The following CHM variants were observed in gnomAD, a reference collection of about 807,000 sequenced individuals.
CHM encodes the protein CHM Rab escort protein.
In CHM, 10 loss-of-function variants were observed where a neutral mutation model predicts 49.0. That is an observed-to-expected ratio of 0.20 (90% CI 0.13 to 0.35). CHM has a LOEUF of 0.35. Among genes scored for constraint, CHM ranks in the 10% least tolerant of loss-of-function variants. The pLI is 1.00. For missense variants in CHM, 455 were observed against 478.4 expected (o/e 0.95, Z 0.46); for synonymous variants, 184 against 167.5 (o/e 1.10, Z -0.76).
chrX:85,937,539 T>C (rs1340105577), intron 8 of CHM, among the ~76,000 whole-genome samples: 1 of 109,501 alleles, frequency 9.1e-6, no homozygotes, highest in Non-Finnish European at 1.9e-5. Flanking sequence ...GGGGCTATTA[T>C]TAAAATGGAA....
chrX:85,978,732 T>G (rs753384934), intron 4 of CHM, 35 bp downstream of exon 4: 5 of 1,167,415 alleles, frequency 4.3e-6, no homozygotes, highest in Non-Finnish European at 5.8e-6. Context: ...AAAAAGTCAT[T>G]AATTTAGTTT....
chrX:86,036,573 A>G (rs889935707), intron 1 of CHM, among the ~76,000 whole-genome samples: 8 of 111,495 alleles, frequency 7.2e-5, no homozygotes, highest in Non-Finnish European at 5.6e-5. Flanking sequence ...AGGAAGCAAA[A>G]TAAAGGGGGG....
At chrX:85,913,079 C>T (rs1603248746) in intron 8 of CHM, among the ~76,000 whole-genome samples, 1 of 98,958 alleles carries the variant, frequency 1.0e-5, no homozygotes, top group East Asian at 3.2e-4. Context: ...AATCCTAGCA[C>T]TTTGGGAGGC....
chrX:86,031,014 G>A (rs138679013), intron 1 of CHM, among the ~76,000 whole-genome samples: 2,713 of 110,538 alleles, frequency 0.025, 46 homozygotes, highest in Non-Finnish European at 0.037. Context: ...TGGACATTTA[G>A]GTTGTTTTCA....
chrX:85,875,787 T>A (rs1206649271), intron 13 of CHM, among the ~76,000 whole-genome samples: 1 of 111,624 alleles, frequency 9.0e-6, no homozygotes, highest in African/African-American at 3.3e-5. Flanking sequence ...TCACTGACCA[T>A]ATGATTCTAT....
At chrX:85,897,699 G>T (rs1396468178) in intron 11 of CHM, among the ~76,000 whole-genome samples, 1 of 110,894 alleles carries the variant, frequency 9.0e-6, no homozygotes, top group East Asian at 2.9e-4. Flanking sequence ...GCTGTCTGAG[G>T]CCAGTGGAAG....
chrX:85,971,096 A>C (rs1375650635), intron 4 of CHM: 2 of 629,821 alleles, frequency 3.2e-6, no homozygotes, highest in African/African-American at 4.9e-5. Flanking sequence ...ATAATATATA[A>C]ATACACCCTA....
chrX:86,043,972 C>T (rs1934571202), intron 1 of CHM, among the ~76,000 whole-genome samples: 1 of 111,518 alleles, frequency 9.0e-6, no homozygotes, highest in Non-Finnish European at 1.9e-5. Flanking sequence ...ACTCTGCAGC[C>T]CATCTTAGGG....
In CHM at chrX:85,978,863, G is replaced by A. The variant is rs2147706622; in HGVS notation, c.218C>T (p.Pro73Leu). The change falls in exon 4 of 15, where the codon CCA (proline) becomes CTA (leucine). Residue 73 changes from proline (P) to leucine (L), a missense_variant. Transcript: ENST00000357749. ...TTCAAGGATCTGGTCTTGCCACACTGGACTGTCACTTACAATGTCACTGTT... is the reference window on the plus strand; with the variant it reads ...TTCAAGGATCTGGTCTTGCCACACTAGACTGTCACTTACAATGTCACTGTT... ...QENSDIVSDS[P>L]VWQDQILENE... 8.3e-7 allele frequency: 1 copy of A among 1,206,249 alleles called. No individual in the cohort carries two copies. The highest frequency in any genetic ancestry group is 1.1e-6 in the Non-Finnish European group (1 of 891,451).
rs1008928443 is a variant in CHM at position 86,032,570 on chromosome X, A to G, written c.50-5013T>C. ...TTAAAATCATTTTTTAAAAAGTCCA[A>G]TAACCTTTTCTTTATGTAAACTATA... On this transcript the variant is annotated intron_variant, in intron 1 of 14. Coordinates refer to ENST00000357749, the MANE Select transcript of CHM (RefSeq NM_000390.4). Among the ~76,000 whole-genome samples the G allele has an allele frequency of 7.1e-5, 8 of 112,124 alleles. No homozygotes were observed. In the East Asian group the frequency reaches 1.7e-3, roughly 24 times the overall value.
chrX:85,960,050 G>A (rs990368447), intron 5 of CHM, among the ~76,000 whole-genome samples: 5 of 111,220 alleles, frequency 4.5e-5, no homozygotes, highest in South Asian at 3.8e-4. Context: ...AATATGGCAC[G>A]TTACTTCATT....
chrX:85,887,190 C>T (rs1925137878), intron 12 of CHM, among the ~76,000 whole-genome samples: 1 of 110,508 alleles, frequency 9.0e-6, no homozygotes, highest in East Asian at 2.8e-4. Context: ...CAAATCTCAT[C>T]TTGAATTCTC....
At chrX:85,932,396 T>C (rs1928487976) in intron 8 of CHM, among the ~76,000 whole-genome samples, 1 of 112,286 alleles carries the variant, frequency 8.9e-6, no homozygotes, top group Non-Finnish European at 1.9e-5. Context: ...AAAGTTTACA[T>C]GTCCAAGGAA....
At chrX:86,020,717 C>T (rs898207600) in intron 2 of CHM, among the ~76,000 whole-genome samples, 1 of 104,107 alleles carries the variant, frequency 9.6e-6, no homozygotes. Flanking sequence ...TATATATCTC[C>T]GATATCCGAA....
chrX:86,032,208 G>T (rs780001689), intron 1 of CHM, among the ~76,000 whole-genome samples: 1 of 112,179 alleles, frequency 8.9e-6, no homozygotes, highest in African/African-American at 3.2e-5. Context: ...AGAAAAGCCC[G>T]ACATGAGTTA....
chrX:85,890,260 G>A, intron 12 of CHM, among the ~76,000 whole-genome samples: 1 of 111,994 alleles, frequency 8.9e-6, no homozygotes, highest in African/African-American at 3.2e-5. Flanking sequence ...ACCATAATAG[G>A]TGCAGTTTTA....
intron 14 of CHM, among the ~76,000 whole-genome samples, chrX:85,870,415 T>G (rs931890303): frequency 8.9e-6 from 1 of 112,184 alleles, no homozygotes; most frequent in South Asian, 3.7e-4. Flanking sequence ...GGGCTGTATA[T>G]CAAACGTCGT....
At chrX:85,987,127 A>C (rs1212947567) in intron 2 of CHM, among the ~76,000 whole-genome samples, 2 of 112,106 alleles carry the variant, frequency 1.8e-5, no homozygotes, top group Admixed American at 1.9e-4. Flanking sequence ...AAGAATAAAA[A>C]GATATAAACA....
At chrX:85,992,886 G>A (rs982209651) in intron 2 of CHM, among the ~76,000 whole-genome samples, 1 of 112,113 alleles carries the variant, frequency 8.9e-6, no homozygotes, top group Admixed American at 9.4e-5. Flanking sequence ...ATTAGGGCTG[G>A]AGAGAGATTT....
Sources: allele counts gnomAD v4.1 joint callset (sites outside exome capture counted in the v4.1 genomes callset), GRCh38; gene constraint gnomAD v4.1.1; transcripts MANE v1.5; gene names NCBI Gene and HGNC (gene_info 2026-07-23, HGNC 2026-07-21).